Variants in CNST observed in about 807,000 individuals in gnomAD.
The protein encoded by CNST is consortin, connexin sorting protein.
Under a neutral mutation model 72.4 loss-of-function variants are expected in CNST, and 39 were observed. That is an observed-to-expected ratio of 0.54 (90% confidence interval 0.42 to 0.70). The LOEUF is 0.70. Ranked by LOEUF, CNST falls within the 30% of genes least tolerant of loss-of-function variation. The pLI is 0.00. For missense variants in CNST, 871 were observed against 868.5 expected (o/e 1.00, Z -0.04); for synonymous variants, 332 against 320.1 (o/e 1.04, Z -0.40).
At chr1:246,652,114 G>A (rs1317314147) in intron 9 of CNST, among the ~76,000 whole-genome samples, 3 of 152,120 alleles carry the variant, frequency 2.0e-5, no homozygotes, top group African/African-American at 4.8e-5. Flanking sequence ...ATACACTGAC[G>A]TGATGATTTT....
At chr1:246,630,087 G>A (rs964940325) in intron 3 of CNST, among the ~76,000 whole-genome samples, 9 of 152,168 alleles carry the variant, frequency 5.9e-5, no homozygotes, top group Non-Finnish European at 4.4e-5. Flanking sequence ...TCATATGCTG[G>A]AACCTGCTAG....
intron 3 of CNST, among the ~76,000 whole-genome samples, chr1:246,629,947 G>A (rs1446446278): frequency 6.6e-6 from 1 of 152,186 alleles, no homozygotes; most frequent in African/African-American, 2.4e-5. Context: ...GGCCAAGCTG[G>A]TGTCGAACTC....
chr1:246,636,275 A>G lies in CNST; in HGVS notation c.818+1688A>G, dbSNP rs190861240. 7.0e-3 allele frequency among the ~76,000 whole-genome samples: 1,068 copies of G among 152,238 alleles called. 18 individuals are homozygous for G. The highest frequency in any genetic ancestry group is 0.025 in the African/African-American group (1,024 of 41,522). On this transcript the variant is annotated intron_variant, in intron 6 of 10. Transcript: ENST00000366513. ...GCGGCACGATGGGTTTTATCAGTCC[A>G]CTTGCGGGATATGCACGCCGTCCCT...
intron 2 of CNST, among the ~76,000 whole-genome samples, chr1:246,593,678 T>A (rs1003474850): frequency 1.3e-5 from 2 of 152,136 alleles, no homozygotes; most frequent in Non-Finnish European, 2.9e-5. Flanking sequence ...GCAGAGGATA[T>A]TTACAGTACT....
intron 9 of CNST, among the ~76,000 whole-genome samples, chr1:246,652,853 A>C (rs554185476): frequency 0.014 from 2,156 of 150,246 alleles, 29 homozygotes; most frequent in Non-Finnish European, 0.021. Context: ...AAATACAAAA[A>C]ACTAGCCGGG....
intron 2 of CNST, among the ~76,000 whole-genome samples, chr1:246,616,030 C>A (rs1265292347): frequency 1.3e-5 from 2 of 152,096 alleles, no homozygotes; most frequent in Non-Finnish European, 2.9e-5. Context: ...ATAGCATCAC[C>A]AAGTTATTTA....
chr1:246,648,260 T>C, intron 9 of CNST: 1 of 1,295,048 alleles, frequency 7.7e-7, no homozygotes, highest in Non-Finnish European at 9.8e-7. Context: ...TTCTATTGCA[T>C]GCCTCCAGCT....
chr1:246,615,682 C>T (rs949276313), intron 2 of CNST, among the ~76,000 whole-genome samples: 2 of 151,090 alleles, frequency 1.3e-5, no homozygotes, highest in South Asian at 2.1e-4. Context: ...AGTTCAAGAC[C>T]AGCCTGACCA....
At position 246,575,267 on chromosome 1, in the gene CNST, A is replaced by G. The variant is rs574089846; in HGVS notation, c.-52+8604A>G. 1.1e-4 allele frequency among the ~76,000 whole-genome samples: 16 copies of G among 152,280 alleles called. 1 individual carries two copies. The South Asian group carries it at 3.3e-3, about 32-fold the overall frequency. On this transcript the variant is annotated intron_variant, in intron 1 of 10. Transcript: ENST00000366513. The stretch of plus-strand genomic sequence containing the variant: ...AGTGTTCAGACAAAAACGTGCACAA[A>G]TGTTTATAACAGCATTATTCACAGG...
At chr1:246,626,066 CTT>C (rs113438721) in intron 3 of CNST, among the ~76,000 whole-genome samples, 1 of 145,456 alleles carries the variant, frequency 6.9e-6, no homozygotes, top group Non-Finnish European at 1.5e-5. Flanking sequence ...CCATATTTTC[CTT>C]TTTTTTTTTT....
rs1667461425 is a variant in CNST at position 246,668,186 on chromosome 1, ATTG to A, written c.*2284_*2286del. On this transcript the variant is annotated 3_prime_UTR_variant, in exon 11 of 11. Transcript: ENST00000366513. ...AGTAATTCCACCTGGTGGTGAAAGG[ATTG>A]TTATTTCACACATGAAAAATTCATC... 1 of 152,220 alleles carries A rather than the reference ATTG, an allele frequency of 6.6e-6. No homozygotes were observed. Among genetic ancestry groups the A allele is most frequent in the Non-Finnish European group, 1.5e-5 (1 of 68,038 alleles). 9.4% of individuals were successfully genotyped at this position (152,220 alleles called of 1,614,324 possible). A position where few individuals can be genotyped will look rare whatever the true frequency, so the allele number is the denominator to read the frequency against.
At chr1:246,655,086 A>G (rs1666700362) in intron 9 of CNST, among the ~76,000 whole-genome samples, 1 of 152,358 alleles carries the variant, frequency 6.6e-6, no homozygotes, top group East Asian at 1.9e-4. Flanking sequence ...AAATGGGATC[A>G]TATCTTGACA....
chr1:246,621,887 T>A (rs539283895), intron 3 of CNST, among the ~76,000 whole-genome samples: 1 of 152,104 alleles, frequency 6.6e-6, no homozygotes, highest in African/African-American at 2.4e-5. Flanking sequence ...CCCAGCTACT[T>A]GGGAGGCCAA....
chr1:246,573,026 G>GT, intron 1 of CNST, among the ~76,000 whole-genome samples: 1 of 152,184 alleles, frequency 6.6e-6, no homozygotes. Context: ...AGGGGTGGAC[G>GT]TTTGTGCAAA....
At chr1:246,571,027 T>C (rs1660035946) in intron 1 of CNST, among the ~76,000 whole-genome samples, 1 of 152,256 alleles carries the variant, frequency 6.6e-6, no homozygotes, top group African/African-American at 2.4e-5. Flanking sequence ...TGGGGGAAAT[T>C]ATATATCCTC....
At chr1:246,651,272 C>A (rs1000130580) in intron 9 of CNST, among the ~76,000 whole-genome samples, 3 of 152,194 alleles carry the variant, frequency 2.0e-5, no homozygotes, top group Non-Finnish European at 4.4e-5. Flanking sequence ...CACCCCTCCA[C>A]GCTGCTGTGC....
At chr1:246,570,369 C>CT (rs754080802) in intron 1 of CNST, among the ~76,000 whole-genome samples, 2 of 152,194 alleles carry the variant, frequency 1.3e-5, no homozygotes, top group Non-Finnish European at 2.9e-5. Context: ...CCTCTGTGCT[C>CT]TAATAAACTT....
At position 246,631,926 on chromosome 1, in the gene CNST, T is replaced by A; in HGVS notation, c.616+2T>A. On this transcript the variant is annotated splice_donor_variant, in intron 4 of 10. Coordinates refer to ENST00000366513, the MANE Select transcript of CNST (RefSeq NM_152609.3). LOFTEE classifies it high-confidence loss of function. Reference sequence around the variant, plus strand: ...AATCCTATTTCCAGGAGGAGGACTGTATCCTTTTCTTAATTACAGGAAGAA... The same window carrying A: ...AATCCTATTTCCAGGAGGAGGACTGAATCCTTTTCTTAATTACAGGAAGAA... The A allele has an allele frequency of 6.6e-7, 1 of 1,526,458 alleles. No individual in the cohort carries two copies. Among genetic ancestry groups the A allele is most frequent in the Non-Finnish European group, 8.9e-7 (1 of 1,119,566 alleles). 94.6% of individuals were successfully genotyped at this position (1,526,458 alleles called of 1,614,324 possible).
chr1:246,624,450 C>T (rs746036240), intron 3 of CNST, among the ~76,000 whole-genome samples: 7 of 152,192 alleles, frequency 4.6e-5, no homozygotes, highest in Non-Finnish European at 1.0e-4. Context: ...ATATGTTTGA[C>T]GTACAGTAAA....
Sources: gnomAD v4.1 joint callset for allele counts (sites outside exome capture counted in the v4.1 genomes callset) on GRCh38, gnomAD v4.1.1 for gene constraint, MANE v1.5 for transcripts, NCBI Gene and HGNC (gene_info 2026-07-23, HGNC 2026-07-21) for gene names.